ITGAE: variants seen among roughly 807,000 people sequenced by gnomAD.
ITGAE encodes the protein integrin alpha-E.
In ITGAE, 99 loss-of-function variants were observed where a neutral mutation model predicts 136.5. The ratio of observed to expected loss-of-function variants is 0.73; its 90% confidence interval spans 0.62 to 0.86. The LOEUF is 0.86. Among genes scored for constraint, ITGAE ranks in the 40% least tolerant of loss-of-function variants. The pLI is 0.00. For missense variants in ITGAE, 1,447 were observed against 1,515.3 expected (o/e 0.95, Z 0.75); for synonymous variants, 613 against 591.8 (o/e 1.04, Z -0.52).
At chr17:3,723,261 A>T in intron 28 of ITGAE, 27 bp downstream of exon 28, 3 of 1,465,400 alleles carry the variant, frequency 2.0e-6, no homozygotes, top group Non-Finnish European at 2.9e-6. Flanking sequence ...TGGATAATCA[A>T]ATCTGGAGCA....
chr17:3,723,974 C>T (rs978044459), intron 26 of ITGAE: 1 of 1,577,156 alleles, frequency 6.3e-7, no homozygotes, highest in Non-Finnish European at 8.6e-7. Context: ...GCCGGCTTTT[C>T]CGCACATATG....
chr17:3,757,497 C>T (rs2052057620), intron 9 of ITGAE, among the ~76,000 whole-genome samples: 1 of 152,154 alleles, frequency 6.6e-6, no homozygotes, highest in South Asian at 2.1e-4. Context: ...TCCTGTGGCT[C>T]TCCCACCACT....
chr17:3,799,554 G>A lies in ITGAE; in HGVS notation c.34+1557C>T, dbSNP rs956178278. ...GGACAGAGGCCTGGGCTTGAGCCTC[G>A]TGTCTATTATCAGTTGCTTGCAAGC... On this transcript the variant is annotated intron_variant, in intron 1 of 30. Transcript: ENST00000263087. This position sits in a 1 kb window ranked among gnomAD's most constrained non-coding sequence, Gnocchi z 4.1. 1.3e-5 allele frequency among the ~76,000 whole-genome samples: 2 copies of A among 152,060 alleles called. No homozygotes were observed. Among genetic ancestry groups the A allele is most frequent in the Admixed American group, 1.3e-4 (2 of 15,270 alleles).
chr17:3,724,761 G>C lies in ITGAE; in HGVS notation c.3085-1017C>G, dbSNP rs144742149. On this transcript the variant is annotated intron_variant, in intron 26 of 30. Transcript: ENST00000263087. ...AGAGTCCTGCTGTAAAAGGAAACTG[G>C]TGGTGGGAAATGGACCAGAGGGTCC... The C allele has an allele frequency of 1.9e-6, 3 of 1,614,092 alleles. No homozygotes were observed. The highest frequency in any genetic ancestry group is 2.5e-6 in the Non-Finnish European group (3 of 1,180,054).
intron 1 of ITGAE, among the ~76,000 whole-genome samples, chr17:3,796,503 G>A (rs557964888): frequency 6.8e-4 from 103 of 152,124 alleles, no homozygotes; most frequent in Admixed American, 2.0e-3. Context: ...CAAATGGGGC[G>A]ATACGCGGCC....
At chr17:3,730,682 C>T (rs1262032098) in intron 23 of ITGAE, among the ~76,000 whole-genome samples, 1 of 151,980 alleles carries the variant, frequency 6.6e-6, no homozygotes, top group Non-Finnish European at 1.5e-5. Context: ...ACTGAACACC[C>T]CCCTCCCCAA....
chr17:3,787,880 C>T (rs1364349350), intron 1 of ITGAE, among the ~76,000 whole-genome samples: 1 of 151,538 alleles, frequency 6.6e-6, no homozygotes, highest in Admixed American at 6.6e-5. Flanking sequence ...TAGAGATGGG[C>T]TTTTCGCCAT....
At chr17:3,757,585 T>C in intron 9 of ITGAE, 121 bp downstream of exon 9, 1 of 1,077,396 alleles carries the variant, frequency 9.3e-7, no homozygotes, top group Non-Finnish European at 1.4e-6. Flanking sequence ...AAGAGGAGCA[T>C]TTGCAAATAG....
chr17:3,746,792 C>G (rs1460635717), intron 17 of ITGAE, among the ~76,000 whole-genome samples: 1 of 152,076 alleles, frequency 6.6e-6, no homozygotes, highest in Non-Finnish European at 1.5e-5. Context: ...GGGGTTTCAC[C>G]GTGTTAGCCA....
intron 2 of ITGAE, among the ~76,000 whole-genome samples, chr17:3,776,790 C>A (rs1319755168): frequency 2.6e-5 from 4 of 151,994 alleles, no homozygotes; most frequent in African/African-American, 7.2e-5. Flanking sequence ...AACTCCTGGC[C>A]TCAAGAAATC....
rs56224301 is a variant in ITGAE at position 3,724,782 on chromosome 17, G to A, written c.3085-1038C>T. On this transcript the variant is annotated intron_variant, in intron 26 of 30. Coordinates refer to ENST00000263087, the MANE Select transcript of ITGAE (RefSeq NM_002208.5). ...ACTGGTGGTGGGAAATGGACCAGAG[G>A]GTCCAGGTCTGTCAAGCACAGGCAA... The A allele has an allele frequency of 2.2e-4, 356 of 1,614,186 alleles. 2 individuals are homozygous for A. In the East Asian group the frequency reaches 6.3e-3, roughly 29 times the overall value.
At chr17:3,777,399 C>T (rs1375315537) in intron 2 of ITGAE, 141 bp downstream of exon 2, 5 of 1,151,352 alleles carry the variant, frequency 4.3e-6, no homozygotes, top group East Asian at 2.5e-5. Flanking sequence ...TCTCTTTCTC[C>T]TGCATGCCCT....
At chr17:3,725,125 C>G (rs2051176778) in intron 26 of ITGAE, 2 of 1,614,212 alleles carry the variant, frequency 1.2e-6, no homozygotes, top group Non-Finnish European at 1.7e-6. Context: ...AAAATTGTGA[C>G]TGATGTGTCA....
chr17:3,727,650 C>T (rs909163243), intron 26 of ITGAE, among the ~76,000 whole-genome samples: 9 of 152,240 alleles, frequency 5.9e-5, no homozygotes, highest in East Asian at 1.9e-4. Flanking sequence ...CCACCCGCCT[C>T]GGCCTCCCAA....
intron 19 of ITGAE, among the ~76,000 whole-genome samples, chr17:3,742,103 T>C (rs1477835342): frequency 6.6e-6 from 1 of 152,120 alleles, no homozygotes; most frequent in Non-Finnish European, 1.5e-5. Context: ...ATGTATAACC[T>C]GAATCTAATT....
At chr17:3,796,878 T>C (rs1486741242) in intron 1 of ITGAE, among the ~76,000 whole-genome samples, 2 of 152,100 alleles carry the variant, frequency 1.3e-5, no homozygotes, top group African/African-American at 4.8e-5. Flanking sequence ...CCCACACTGA[T>C]ACCAGGAGCT....
At chr17:3,724,116 G>A (rs867211706) in intron 26 of ITGAE, 2 of 1,593,812 alleles carry the variant, frequency 1.3e-6, no homozygotes, top group South Asian at 1.1e-5. Context: ...CTCGCAGTCC[G>A]ACGATCCTGA....
At position 3,756,003 on chromosome 17, in the gene ITGAE, G is replaced by A. The variant is rs1363309792; in HGVS notation, c.1172-106C>T. On this transcript the variant is annotated intron_variant, in intron 10 of 30. Transcript: ENST00000263087. Reference sequence around the variant, plus strand: ...CTCACTCCCAGAAGGAACCATGCTTGGTGTAACAGGAAGAGAACCCGGCTG... The same window carrying A: ...CTCACTCCCAGAAGGAACCATGCTTAGTGTAACAGGAAGAGAACCCGGCTG... The A allele has an allele frequency of 3.7e-6, 4 of 1,086,200 alleles. No homozygotes were observed. The Admixed American group carries it at 8.2e-5, about 22-fold the overall frequency. The allele number at this position is 1,086,200 out of a possible 1,614,324, so 67.3% of individuals were successfully genotyped here.
intron 16 of ITGAE, among the ~76,000 whole-genome samples, chr17:3,749,882 G>A (rs2051820537): frequency 6.6e-6 from 1 of 152,050 alleles, no homozygotes; most frequent in South Asian, 2.1e-4. Flanking sequence ...CGGGCGTGGT[G>A]GCAGACACCT....
Sources: allele counts gnomAD v4.1 joint callset (sites outside exome capture counted in the v4.1 genomes callset), GRCh38; gene constraint gnomAD v4.1.1; non-coding constraint Gnocchi (gnomAD v3.1); transcripts MANE v1.5; gene names NCBI Gene and HGNC (gene_info 2026-07-23, HGNC 2026-07-21).